MSTO1: variants seen among roughly 807,000 people sequenced by gnomAD.
The protein encoded by MSTO1 is protein misato homolog 1.
A neutral mutation model predicts 55.7 loss-of-function variants in MSTO1; 24 were observed. The ratio of observed to expected loss-of-function variants is 0.43; its 90% CI spans 0.31 to 0.61. The LOEUF is 0.61. Among genes scored for constraint, MSTO1 ranks in the 20% least tolerant of loss-of-function variants. The pLI is 0.09. For synonymous variants in MSTO1, 162 were observed against 252.8 expected (o/e 0.64, Z 3.41); for missense variants, 363 against 625.7 (o/e 0.58, Z 4.48).
the MSTO1 span, among the ~76,000 whole-genome samples, chr1:155,603,289 CAG>C: frequency 6.6e-6 from 1 of 151,934 alleles, no homozygotes; most frequent in African/African-American, 2.4e-5. Flanking sequence ...CCCAGCTACT[CAG>C]GGGGCTGAGG....
the MSTO1 span, among the ~76,000 whole-genome samples, chr1:155,590,021 C>T: frequency 7.3e-6 from 1 of 136,570 alleles, no homozygotes; most frequent in Non-Finnish European, 1.6e-5. Context: ...GCGGGGCGGG[C>T]AGGACAGAAG....
At chr1:155,571,891 A>C in the MSTO1 span, among the ~76,000 whole-genome samples, 1 of 151,910 alleles carries the variant, frequency 6.6e-6, no homozygotes, top group Non-Finnish European at 1.5e-5. Flanking sequence ...AAAATACAAA[A>C]ATTAGTCGGA....
chr1:155,578,920 C>T, the MSTO1 span, among the ~76,000 whole-genome samples: 3 of 150,832 alleles, frequency 2.0e-5, no homozygotes, highest in Admixed American at 6.6e-5. Flanking sequence ...ACCTCGGCCT[C>T]CCAAAGTGCT....
chr1:155,612,654 C>T, intron 9 of MSTO1, 84 bp downstream of exon 9: 2 of 1,510,766 alleles, frequency 1.3e-6, no homozygotes, highest in Non-Finnish European at 1.8e-6. Flanking sequence ...GTTACTGGCT[C>T]TGTTCTTGAG....
the MSTO1 span, among the ~76,000 whole-genome samples, chr1:155,581,753 T>A: frequency 6.6e-6 from 1 of 151,894 alleles, no homozygotes; most frequent in African/African-American, 2.4e-5. Context: ...TTTGGCTTCC[T>A]ATTAGGCTGG....
At chr1:155,572,393 T>A in the MSTO1 span, among the ~76,000 whole-genome samples, 1 of 152,120 alleles carries the variant, frequency 6.6e-6, no homozygotes, top group Non-Finnish European at 1.5e-5. Context: ...AAGAAAGTCA[T>A]GACAGACAAA....
chr1:155,563,620 A>G, the MSTO1 span: 1 of 456,110 alleles, frequency 2.2e-6, no homozygotes, highest in Non-Finnish European at 4.4e-6. Flanking sequence ...GCCTCGTTAG[A>G]CAGCCTGGTG....
chr1:155,613,320 A>C, intron 11 of MSTO1, 87 bp downstream of exon 11: 1 of 1,578,016 alleles, frequency 6.3e-7, no homozygotes, highest in South Asian at 1.2e-5. Flanking sequence ...TTCTAATGAT[A>C]CTGTTCCCTC....
the MSTO1 span, among the ~76,000 whole-genome samples, chr1:155,567,909 C>T: frequency 7.9e-5 from 12 of 151,506 alleles, no homozygotes; most frequent in East Asian, 1.8e-3. Flanking sequence ...TGGTGGTGGG[C>T]GCGTGTAATC....
rs759414031 is a variant in MSTO1 at position 155,612,488 on chromosome 1, C to G, written c.884C>G (p.Ser295Cys). ...FGLVHLTAHS[S>C]LVCPLSLGGS... ...CTCGTGCACCTGACTGCTCACAGCTCTCTTGTCTGCCCCTTGTCCTTGGGT... is the reference window on the plus strand; with the variant it reads ...CTCGTGCACCTGACTGCTCACAGCTGTCTTGTCTGCCCCTTGTCCTTGGGT... The change falls in exon 9 of 14, where the codon TCT becomes TGT. Residue 295 changes from serine (S) to cysteine (C), a missense_variant. By Grantham distance (112) the Ser-to-Cys change is moderately radical. Around this residue, in one of 3 missense-constraint regions of MSTO1, gnomAD observed 231 missense variants for 286.9 expected, o/e 0.81. Transcript: ENST00000245564. 3 of 1,613,960 alleles carry G rather than the reference C, an allele frequency of 1.9e-6. No homozygotes were observed. Among genetic ancestry groups the G allele is most frequent in the South Asian group, 1.1e-5 (1 of 91,092 alleles).
At chr1:155,609,373 G>A (rs374538751), upstream of MSTO1, among the ~76,000 whole-genome samples, 170 of 148,700 alleles carry the variant, frequency 1.1e-3, 6 homozygotes, top group South Asian at 0.035. Context: ...AGCCTCCCGA[G>A]TAGCTGGGAC....
chr1:155,572,443 G>A, the MSTO1 span, among the ~76,000 whole-genome samples: 2 of 152,048 alleles, frequency 1.3e-5, no homozygotes, highest in African/African-American at 4.8e-5. Flanking sequence ...GGCCGGGTGC[G>A]GTGGCTCACG....
the MSTO1 span, among the ~76,000 whole-genome samples, chr1:155,605,143 C>G: frequency 6.6e-6 from 1 of 152,012 alleles, no homozygotes; most frequent in Non-Finnish European, 1.5e-5. Flanking sequence ...CACCTGTAAT[C>G]CCAGCTACTC....
At chr1:155,567,472 C>T in the MSTO1 span, among the ~76,000 whole-genome samples, 4 of 151,994 alleles carry the variant, frequency 2.6e-5, no homozygotes, top group Middle Eastern at 3.2e-3. Flanking sequence ...CCACTGCGCC[C>T]GGCTAATTTT....
At chr1:155,568,523 C>G in the MSTO1 span, among the ~76,000 whole-genome samples, 2 of 151,708 alleles carry the variant, frequency 1.3e-5, no homozygotes, top group African/African-American at 4.8e-5. Flanking sequence ...ACTGCAACTT[C>G]CGCCTCCCGG....
the MSTO1 span, among the ~76,000 whole-genome samples, chr1:155,579,420 A>T: frequency 6.6e-6 from 1 of 152,150 alleles, no homozygotes; most frequent in Non-Finnish European, 1.5e-5. Flanking sequence ...CGAACTACTG[A>T]AGAACTTTTA....
chr1:155,598,597 C>T, the MSTO1 span, among the ~76,000 whole-genome samples: 1 of 152,114 alleles, frequency 6.6e-6, no homozygotes, highest in African/African-American at 2.4e-5. Context: ...TGGTACACAC[C>T]TGTAATCACA....
the MSTO1 span, among the ~76,000 whole-genome samples, chr1:155,571,403 C>T: frequency 9.5e-4 from 145 of 152,182 alleles, no homozygotes; most frequent in Non-Finnish European, 1.6e-3. Context: ...ATTCTTTCGA[C>T]GTGGCCCAGG....
upstream of MSTO1, among the ~76,000 whole-genome samples, chr1:155,606,198 C>CTTTTTTTTTTTTTT (rs747681932): frequency 1.0e-3 from 29 of 28,106 alleles, 1 homozygote; most frequent in East Asian, 4.6e-3. Context: ...CATGCCCAGC[C>CTTTTTTTTTTTTTT]TTTTTTTTTT....
Sources: gnomAD v4.1 joint callset for allele counts (sites outside exome capture counted in the v4.1 genomes callset) on GRCh38, gnomAD v4.1.1 for gene constraint, gnomAD v4.1.1 regional missense constraint, MANE v1.5 for transcripts, NCBI Gene and HGNC (gene_info 2026-07-23, HGNC 2026-07-21) for gene names.